The following STIMATE variants were observed in gnomAD, a reference collection of about 807,000 sequenced individuals.
STIMATE encodes STIM activating enhancer.
STIMATE carries 15 observed loss-of-function variants against 36.7 expected under a neutral mutation model. That is an observed-to-expected ratio of 0.41 (90% CI 0.27 to 0.63). STIMATE has a LOEUF of 0.63. Ranked by LOEUF, STIMATE falls within the 20% of genes least tolerant of loss-of-function variation. The pLI is 0.32. For missense variants in STIMATE, 305 were observed against 397.3 expected (o/e 0.77, Z 1.98); for synonymous variants, 163 against 162.3 (o/e 1.00, Z -0.03).
At chr3:52,877,427 T>C (rs1381919006) in intron 1 of STIMATE, among the ~76,000 whole-genome samples, 1 of 152,052 alleles carries the variant, frequency 6.6e-6, no homozygotes, top group Admixed American at 6.5e-5. Context: ...GACAAACCAA[T>C]GAGCATAAGT....
chr3:52,882,484 G>A lies in STIMATE; in HGVS notation c.160+14807C>T, dbSNP rs138546259. 2.9e-3 allele frequency among the ~76,000 whole-genome samples: 442 copies of A among 152,236 alleles called. 2 individuals carry two copies. The highest frequency in any genetic ancestry group is 0.01 in the African/African-American group (420 of 41,528). On this transcript the variant is annotated intron_variant, in intron 1 of 7. Transcript: ENST00000355083. ...TTCTCAGGACGTTTTTACTGGATGT[G>A]GCATGGATGCATCTTTCAAGGGGGA... is the stretch of plus-strand genomic sequence containing the variant.
intron 7 of STIMATE, 89 bp from the exon 8 acceptor site, chr3:52,840,699 T>G (rs1700782015): frequency 1.0e-6 from 1 of 953,018 alleles, no homozygotes; most frequent in Non-Finnish European, 1.4e-6. Flanking sequence ...TCAAGTCTCA[T>G]GTTTTTTTTT....
At chr3:52,851,126 G>C (rs1051072693) in intron 3 of STIMATE, among the ~76,000 whole-genome samples, 4 of 152,208 alleles carry the variant, frequency 2.6e-5, no homozygotes, top group African/African-American at 9.7e-5. Context: ...CATGAACTGT[G>C]TTCTTGTACG....
At position 52,839,752 on chromosome 3, in the gene STIMATE, C is replaced by A. The variant is rs1700763371; in HGVS notation, c.*742G>T. ...ATCTAATAATATTCCAAATAAAAAA[C>A]TCCCGATTTTTCCTCCTGCCAGCCC... is the stretch of plus-strand genomic sequence containing the variant. On this transcript the variant is annotated 3_prime_UTR_variant, in exon 8 of 8. Transcript: ENST00000355083. 6.6e-6 allele frequency: 1 copy of A among 152,268 alleles called. No homozygotes were observed. The allele number at this position is 152,268 out of a possible 1,614,324, so 9.4% of individuals were successfully genotyped here. A position where few individuals can be genotyped will look rare whatever the true frequency, so the allele number is the denominator to read the frequency against.
intron 1 of STIMATE, among the ~76,000 whole-genome samples, chr3:52,878,873 G>A (rs532066405): frequency 1.9e-4 from 29 of 152,280 alleles, no homozygotes; most frequent in Middle Eastern, 3.4e-3. Context: ...GAGTGGGTGG[G>A]ACTGCCAATA....
At chr3:52,854,996 G>A (rs952246143) in intron 2 of STIMATE, among the ~76,000 whole-genome samples, 8 of 152,164 alleles carry the variant, frequency 5.3e-5, no homozygotes, top group Non-Finnish European at 7.4e-5. Flanking sequence ...AGAGAGGAGC[G>A]TTTATATGCT....
At chr3:52,842,252 A>G (rs1700811171) in intron 7 of STIMATE, among the ~76,000 whole-genome samples, 1 of 152,178 alleles carries the variant, frequency 6.6e-6, no homozygotes, top group Non-Finnish European at 1.5e-5. Flanking sequence ...CGGGGCCGCC[A>G]GAACACATAT....
intron 1 of STIMATE, among the ~76,000 whole-genome samples, chr3:52,887,685 C>A (rs538339034): frequency 5.9e-5 from 9 of 152,282 alleles, no homozygotes; most frequent in African/African-American, 2.2e-4. Context: ...TCACCCCACA[C>A]CAAACTTCAT....
chr3:52,887,360 G>A (rs1701703644), intron 1 of STIMATE, among the ~76,000 whole-genome samples: 1 of 152,222 alleles, frequency 6.6e-6, no homozygotes, highest in Admixed American at 6.5e-5. Context: ...CTGTGTGCCA[G>A]CACAGCCTGG....
chr3:52,869,209 T>G (rs1701361295), intron 1 of STIMATE, among the ~76,000 whole-genome samples: 1 of 152,224 alleles, frequency 6.6e-6, no homozygotes, highest in Non-Finnish European at 1.5e-5. Flanking sequence ...GCCATCCCTT[T>G]GCCTTAGCAA....
intron 1 of STIMATE, among the ~76,000 whole-genome samples, chr3:52,881,774 G>T (rs1434734833): frequency 6.6e-6 from 1 of 152,220 alleles, no homozygotes; most frequent in African/African-American, 2.4e-5. Flanking sequence ...CGACAGCCCT[G>T]CTCACTGATG....
chr3:52,877,253 T>C (rs1373746461), intron 1 of STIMATE, among the ~76,000 whole-genome samples: 1 of 152,214 alleles, frequency 6.6e-6, no homozygotes, highest in Non-Finnish European at 1.5e-5. Context: ...ACCAAGAGTG[T>C]GCAACATCCC....
chr3:52,887,253 G>A (rs1418865746), intron 1 of STIMATE, among the ~76,000 whole-genome samples: 7 of 152,296 alleles, frequency 4.6e-5, no homozygotes, highest in Non-Finnish European at 8.8e-5. Flanking sequence ...AGTTAGAAAC[G>A]AAAATAATCC....
chr3:52,871,874 A>G (rs1338362827), intron 1 of STIMATE, among the ~76,000 whole-genome samples: 1 of 152,190 alleles, frequency 6.6e-6, no homozygotes, highest in Non-Finnish European at 1.5e-5. Flanking sequence ...CAGATAGAAG[A>G]AACGGCAGGC....
chr3:52,848,872 C>T (rs1230926071), intron 4 of STIMATE, among the ~76,000 whole-genome samples: 1 of 152,190 alleles, frequency 6.6e-6, no homozygotes, highest in African/African-American at 2.4e-5. Flanking sequence ...GCATCAAGTA[C>T]GGGGCTAAGA....
intron 5 of STIMATE, 118 bp from the exon 6 acceptor site, chr3:52,843,916 C>T (rs1700851740): frequency 1.5e-6 from 2 of 1,361,296 alleles, no homozygotes; most frequent in African/African-American, 1.4e-5. Flanking sequence ...TCCTCCAAAG[C>T]CCAATGGGAG....
Position 52,852,647 on chromosome 3 carries a change from T to C in STIMATE, c.261A>G (p.Ala87=). ...QAIGMLFIHF[A]NVYLADLTEE... Reference sequence around the variant, plus strand: ...CAGTGAGATCTGCTAGGTATACATTTGCAAAGTGGATGAACAGCATTCCTA... The same window carrying C: ...CAGTGAGATCTGCTAGGTATACATTCGCAAAGTGGATGAACAGCATTCCTA... Residue 87 remains alanine (A), a synonymous_variant, in exon 3 of 8, where the codon GCA becomes GCG. Coordinates refer to ENST00000355083, the MANE Select transcript of STIMATE (RefSeq NM_198563.5). The C allele has an allele frequency of 6.2e-7, 1 of 1,614,214 alleles. No individual in the cohort carries two copies. Among genetic ancestry groups the C allele is most frequent in the Non-Finnish European group, 8.5e-7 (1 of 1,180,044 alleles).
At chr3:52,862,752 G>A (rs960356445) in intron 1 of STIMATE, among the ~76,000 whole-genome samples, 4 of 152,188 alleles carry the variant, frequency 2.6e-5, no homozygotes, top group East Asian at 3.8e-4. Flanking sequence ...TGCAAATGCA[G>A]CCTTATTTGG....
intron 3 of STIMATE, among the ~76,000 whole-genome samples, chr3:52,850,557 C>G (rs1327586815): frequency 1.3e-5 from 2 of 152,146 alleles, no homozygotes; most frequent in African/African-American, 4.8e-5. Flanking sequence ...ACAGAAACAC[C>G]TAGGCAATGA....
Sources: gnomAD v4.1 joint callset for allele counts (sites outside exome capture counted in the v4.1 genomes callset) on GRCh38, gnomAD v4.1.1 for gene constraint, MANE v1.5 for transcripts, NCBI Gene and HGNC (gene_info 2026-07-23, HGNC 2026-07-21) for gene names.